TRERF1: variants seen among roughly 807,000 people sequenced by gnomAD.
TRERF1 encodes transcriptional-regulating factor 1.
Under a neutral mutation model 122.9 loss-of-function variants are expected in TRERF1, and 27 were observed. The observed-to-expected ratio is 0.22, with a 90% confidence interval of 0.16 to 0.30. The LOEUF is 0.30. TRERF1 is among the 10% of genes least tolerant of loss of function. TRERF1 has a pLI of 1.00. For synonymous variants in TRERF1, 636 were observed against 641.7 expected (o/e 0.99, Z 0.13); for missense variants, 1,248 against 1,560.3 (o/e 0.80, Z 3.37).
At chr6:42,427,537 C>T (rs969725815) in intron 2 of TRERF1, among the ~76,000 whole-genome samples, 2 of 147,148 alleles carry the variant, frequency 1.4e-5, no homozygotes, top group African/African-American at 2.6e-5. Context: ...AGGTGTGAGC[C>T]ACCTTGCCCT....
chr6:42,411,663 G>A (rs990230376), intron 2 of TRERF1, among the ~76,000 whole-genome samples: 11 of 152,204 alleles, frequency 7.2e-5, no homozygotes, highest in African/African-American at 2.7e-4. Context: ...CTTGGCTGAA[G>A]GAAATAAGCC....
chr6:42,245,346 G>A (rs1774578121), intron 14 of TRERF1, among the ~76,000 whole-genome samples: 1 of 152,242 alleles, frequency 6.6e-6, no homozygotes, highest in South Asian at 2.1e-4. Flanking sequence ...CAGAGACAAA[G>A]TCCTCCTGCT....
intron 13 of TRERF1, among the ~76,000 whole-genome samples, chr6:42,250,391 T>C (rs1237979834): frequency 6.6e-6 from 1 of 152,102 alleles, no homozygotes; most frequent in East Asian, 1.9e-4. Context: ...GCCTCCAAAA[T>C]CCCTCTGTAA....
intron 2 of TRERF1, among the ~76,000 whole-genome samples, chr6:42,376,700 G>A (rs1774946444): frequency 6.7e-6 from 1 of 150,102 alleles, no homozygotes; most frequent in Admixed American, 6.7e-5. Context: ...ATACCACCAC[G>A]CCCAGCTAAT....
intron 3 of TRERF1, among the ~76,000 whole-genome samples, chr6:42,303,962 G>C (rs1193895076): frequency 1.6e-5 from 2 of 127,378 alleles, no homozygotes; most frequent in African/African-American, 5.9e-5. Flanking sequence ...AAGCACCCAA[G>C]AAGTTTTCTA....
At chr6:42,282,723 T>C (rs140405225) in intron 4 of TRERF1, among the ~76,000 whole-genome samples, 6 of 152,322 alleles carry the variant, frequency 3.9e-5, no homozygotes, top group Non-Finnish European at 8.8e-5. Context: ...ATAGAATATA[T>C]ACATATGTAG....
intron 3 of TRERF1, among the ~76,000 whole-genome samples, chr6:42,308,423 C>T (rs898046569): frequency 2.6e-5 from 4 of 152,108 alleles, no homozygotes; most frequent in Non-Finnish European, 5.9e-5. Context: ...TAGGCCAAGG[C>T]ATGGAAGCAG....
chr6:42,419,408 G>A (rs138997645), intron 2 of TRERF1, among the ~76,000 whole-genome samples: 30 of 151,992 alleles, frequency 2.0e-4, no homozygotes, highest in East Asian at 9.7e-4. Context: ...TGTTTCAAGC[G>A]CATGCCTGTG....
chr6:42,259,463 G>A lies in TRERF1; in HGVS notation c.2145C>T (p.Ser715=), dbSNP rs1004504298. ...AGAGCCCCGAGCCCTGGCGCACCGG[G>A]CTCAGCATGGGTGGGGGCGTGTAAG... The change falls in exon 9 of 18, where the codon AGC becomes AGT. Residue 715 remains serine (S), a synonymous_variant. Transcript: ENST00000372922. The surrounding 1 kb of genome is among the most constrained non-coding windows in gnomAD (Gnocchi z 4.9). The A allele has an allele frequency of 5.6e-6, 9 of 1,606,656 alleles. No individual in the cohort carries two copies. The highest frequency in any genetic ancestry group is 1.1e-5 in the South Asian group (1 of 90,808).
intron 3 of TRERF1, among the ~76,000 whole-genome samples, chr6:42,332,472 C>T (rs1211849085): frequency 2.0e-5 from 3 of 152,220 alleles, no homozygotes; most frequent in African/African-American, 7.2e-5. Flanking sequence ...CAACTCACCT[C>T]CCTGGGGTGC....
Position 42,262,434 on chromosome 6 carries a change from C to CCG in TRERF1, c.1884+885_1884+886insCG, listed in dbSNP as rs1561853419. The stretch of plus-strand genomic sequence containing the variant: ...ACACAGGTCACAAATTCCCTAGGGG[C>CCG]AGAGAGAGAGAGAGAGAGAGAGAGA... On this transcript the variant is annotated intron_variant, in intron 8 of 17. Coordinates refer to ENST00000372922, the Ensembl canonical transcript of TRERF1. Among the ~76,000 whole-genome samples the CCG allele has an allele frequency of 3.7e-3, 84 of 22,548 alleles. 16 individuals carry two copies. The highest frequency in any genetic ancestry group is 5.0e-3 in the South Asian group (3 of 604). The allele number at this position is 22,548 out of a possible 152,430, so 14.8% of individuals were successfully genotyped here. A position where few individuals can be genotyped will look rare whatever the true frequency, so the allele number is the denominator to read the frequency against.
intron 4 of TRERF1, among the ~76,000 whole-genome samples, chr6:42,280,189 A>G (rs1196661686): frequency 1.6e-4 from 25 of 152,156 alleles, no homozygotes; most frequent in Admixed American, 1.6e-3. Context: ...GGGCTCGGAC[A>G]AGCCACAGTC....
chr6:42,332,021 C>G (rs924619167), intron 3 of TRERF1, among the ~76,000 whole-genome samples: 1 of 152,194 alleles, frequency 6.6e-6, no homozygotes, highest in Non-Finnish European at 1.5e-5. Flanking sequence ...TGGCTCACTG[C>G]AACCTCTGCC....
intron 2 of TRERF1, among the ~76,000 whole-genome samples, chr6:42,447,813 T>A (rs1456073485): frequency 6.6e-6 from 1 of 152,180 alleles, no homozygotes; most frequent in East Asian, 1.9e-4. Context: ...CAAGCACTTC[T>A]CATGCCTCAT....
At chr6:42,355,360 T>C (rs1321074904) in intron 3 of TRERF1, among the ~76,000 whole-genome samples, 4 of 152,272 alleles carry the variant, frequency 2.6e-5, no homozygotes, top group African/African-American at 7.2e-5. Context: ...GGAAAATATA[T>C]GTATATGAAG....
chr6:42,442,413 C>A (rs1225652862), intron 2 of TRERF1, among the ~76,000 whole-genome samples: 1 of 152,088 alleles, frequency 6.6e-6, no homozygotes, highest in Non-Finnish European at 1.5e-5. Context: ...TGTCCAGGGC[C>A]CTGTTATCTC....
At chr6:42,439,384 GTGC>G (rs1386289434) in intron 2 of TRERF1, among the ~76,000 whole-genome samples, 3 of 152,260 alleles carry the variant, frequency 2.0e-5, no homozygotes, top group African/African-American at 7.2e-5. Context: ...CCCAGGATGG[GTGC>G]TGGGGACACA....
chr6:42,386,017 A>T (rs1450732457), intron 2 of TRERF1, among the ~76,000 whole-genome samples: 1 of 152,222 alleles, frequency 6.6e-6, no homozygotes, highest in Non-Finnish European at 1.5e-5. Context: ...TCCTATGCAG[A>T]ATAACAATTC....
At chr6:42,240,168 C>T (rs572136772) in intron 15 of TRERF1, among the ~76,000 whole-genome samples, 1 of 152,344 alleles carries the variant, frequency 6.6e-6, no homozygotes, top group Admixed American at 6.5e-5. Context: ...CATTCCATCT[C>T]CCTCCAGTGA....
Sources: allele counts gnomAD v4.1 joint callset (sites outside exome capture counted in the v4.1 genomes callset), GRCh38; gene constraint gnomAD v4.1.1; non-coding constraint Gnocchi (gnomAD v3.1); transcripts MANE v1.5; gene names NCBI Gene and HGNC (gene_info 2026-07-23, HGNC 2026-07-21).